AHI1: variants seen among roughly 807,000 people sequenced by gnomAD.
AHI1 encodes the protein jouberin.
A neutral mutation model predicts 149.3 loss-of-function variants in AHI1; 123 were observed. The observed-to-expected ratio is 0.82, with a 90% CI of 0.71 to 0.96. The LOEUF is 0.96. Among genes scored for constraint, AHI1 ranks in the 40% least tolerant of loss-of-function variants. AHI1 has a pLI of 0.00. For synonymous variants in AHI1, 475 were observed against 459.8 expected, an observed-to-expected ratio of 1.03 and a Z score of -0.42; for missense variants, 1,439 against 1,422.7, an observed-to-expected ratio of 1.01 and a Z score of -0.18.
At chr6:135,369,207 G>A (rs1414689036) in intron 23 of AHI1, among the ~76,000 whole-genome samples, 1 of 152,212 alleles carries the variant, frequency 6.6e-6, no homozygotes, top group African/African-American at 2.4e-5. Flanking sequence ...TCCCCAGTGA[G>A]GATGTGTGTT....
Position 135,455,755 on chromosome 6 carries a change from A to G in AHI1, c.1323T>C (p.Pro441=). ...ATACCTCAAAGAACAGGATGACTTTAGGACTCTCATCAGAGCCTCGAAGCA... is the reference window on the plus strand; with the variant it reads ...ATACCTCAAAGAACAGGATGACTTTGGGACTCTCATCAGAGCCTCGAAGCA... ...PYLLRGSDES[P]KVILFFEILD... is the part of the protein sequence containing the mutation. The change falls in exon 10 of 29, where the codon CCT becomes CCC. Residue 441 remains proline (P), a synonymous_variant. Transcript: ENST00000265602. The G allele has an allele frequency of 6.2e-7, 1 of 1,601,826 alleles. No individual in the cohort carries two copies. Among genetic ancestry groups the G allele is most frequent in the South Asian group, 1.1e-5 (1 of 88,642 alleles).
chr6:135,452,965 T>C (rs1402127141), intron 11 of AHI1, among the ~76,000 whole-genome samples: 2 of 152,184 alleles, frequency 1.3e-5, no homozygotes, highest in Admixed American at 1.3e-4. Flanking sequence ...GTGAAATCAA[T>C]TGTTTTATGT....
intron 14 of AHI1, among the ~76,000 whole-genome samples, chr6:135,440,663 G>A (rs1381875526): frequency 1.3e-5 from 2 of 152,120 alleles, no homozygotes; most frequent in Non-Finnish European, 2.9e-5. Context: ...GCAAAGACCA[G>A]TAGACCTATC....
At chr6:135,289,532 A>G (rs1782082393) in intron 28 of AHI1, among the ~76,000 whole-genome samples, 1 of 152,028 alleles carries the variant, frequency 6.6e-6, no homozygotes, top group African/African-American at 2.4e-5. Flanking sequence ...TTACTCTTCC[A>G]TGGGTAAATC....
At position 135,463,232 on chromosome 6, in the gene AHI1, T is replaced by C. The variant is rs778231180; in HGVS notation, c.824A>G (p.Asp275Gly). 11 of 1,610,656 alleles carry C rather than the reference T, an allele frequency of 6.8e-6. No individual in the cohort carries two copies. The Middle Eastern group carries it at 5.0e-4, about 73-fold the overall frequency. The change falls in exon 8 of 29, where the codon GAT becomes GGT. Residue 275 changes from aspartate to glycine, a missense_variant. By Grantham distance (94) the Asp-to-Gly change is moderately conservative. Coordinates refer to ENST00000265602, the MANE Select transcript of AHI1 (RefSeq NM_001134831.2). ...GCTTATTTCATCATCTTGATGAGAATCTGAAGAAACTGATCTAACTGAAGA... is the reference window on the plus strand; with the variant it reads ...GCTTATTTCATCATCTTGATGAGAACCTGAAGAAACTGATCTAACTGAAGA... The part of the protein sequence containing the change: ...KESSVRSVSS[D>G]SHQDDEISSM...
intron 26 of AHI1, among the ~76,000 whole-genome samples, chr6:135,309,320 C>T (rs866627076): frequency 1.3e-5 from 2 of 151,956 alleles, no homozygotes; most frequent in Non-Finnish European, 2.9e-5. Flanking sequence ...TCTCTAGACT[C>T]CAGAATAACA....
rs1793466455 is a variant in AHI1, at chr6:135,359,205, T to G, written c.3110-1018A>C. 2.6e-5 allele frequency among the ~76,000 whole-genome samples: 4 copies of G among 152,316 alleles called. No homozygotes were observed. The South Asian group carries it at 8.3e-4, about 32-fold the overall frequency. On this transcript the variant is annotated intron_variant, in intron 23 of 28. Transcript: ENST00000265602. ...TGAATCATGAAACATGCAGTTTTTG[T>G]TTCATTAATTTTTTGTAACATTTAT...
intron 24 of AHI1, among the ~76,000 whole-genome samples, chr6:135,348,041 G>A (rs1791501866): frequency 6.6e-6 from 1 of 152,130 alleles, no homozygotes; most frequent in African/African-American, 2.4e-5. Flanking sequence ...TTATACCAAG[G>A]GTGTCTGTGT....
chr6:135,463,482 G>A (rs1790256845), intron 7 of AHI1, among the ~76,000 whole-genome samples, 176 bp from the exon 8 acceptor site: 1 of 151,750 alleles, frequency 6.6e-6, no homozygotes, highest in Non-Finnish European at 1.5e-5. Flanking sequence ...TGTCAAATAG[G>A]TATCATAGGT....
intron 13 of AHI1, among the ~76,000 whole-genome samples, chr6:135,445,979 C>T (rs1787141545): frequency 6.6e-6 from 1 of 151,946 alleles, no homozygotes; most frequent in African/African-American, 2.4e-5. Flanking sequence ...TGGCATGAAC[C>T]CGGGAGGTGG....
intron 16 of AHI1, 47 bp downstream of exon 16, chr6:135,432,980 A>C (rs1167126951): frequency 1.4e-6 from 2 of 1,447,924 alleles, no homozygotes. Context: ...TTCTGGTAAA[A>C]AAAAATTCTT....
intron 21 of AHI1, among the ~76,000 whole-genome samples, chr6:135,405,531 C>A (rs1181583628): frequency 6.6e-6 from 1 of 151,956 alleles, no homozygotes; most frequent in Admixed American, 6.6e-5. Flanking sequence ...GTATTATGGA[C>A]AATTTGAAAA....
intron 21 of AHI1, among the ~76,000 whole-genome samples, chr6:135,405,936 G>A (rs1424852404): frequency 4.6e-5 from 7 of 151,314 alleles, no homozygotes; most frequent in African/African-American, 1.7e-4. Flanking sequence ...GTCCAATTAG[G>A]AGTTAGCCAG....
intron 27 of AHI1, among the ~76,000 whole-genome samples, chr6:135,296,147 G>A (rs1783062693): frequency 6.6e-6 from 1 of 152,156 alleles, no homozygotes; most frequent in Non-Finnish European, 1.5e-5. Flanking sequence ...GAGCCACCGC[G>A]CCTGGCCGCA....
chr6:135,363,886 C>T (rs1402194919), intron 23 of AHI1, among the ~76,000 whole-genome samples: 17 of 139,404 alleles, frequency 1.2e-4, no homozygotes, highest in East Asian at 8.8e-4. Context: ...GCTGGCCGGA[C>T]GGGGGGCTGA....
chr6:135,459,063 C>G (rs1018272920), intron 8 of AHI1, among the ~76,000 whole-genome samples: 5 of 152,162 alleles, frequency 3.3e-5, no homozygotes, highest in Non-Finnish European at 5.9e-5. Context: ...ACATAGGACA[C>G]TGCACTCAAC....
chr6:135,352,693 T>C (rs1018465799), intron 24 of AHI1, among the ~76,000 whole-genome samples: 9 of 143,984 alleles, frequency 6.3e-5, no homozygotes, highest in Non-Finnish European at 1.5e-5. Flanking sequence ...CAAAGACACA[T>C]TGTGTGTGTA....
At chr6:135,341,334 CAA>C (rs1422074204) in intron 24 of AHI1, among the ~76,000 whole-genome samples, 3 of 151,812 alleles carry the variant, frequency 2.0e-5, no homozygotes, top group Admixed American at 2.0e-4. Flanking sequence ...GACTTTAAGA[CAA>C]AAACTCACTC....
chr6:135,387,240 G>A (rs866951077), intron 23 of AHI1, among the ~76,000 whole-genome samples: 1 of 152,128 alleles, frequency 6.6e-6, no homozygotes, highest in African/African-American at 2.4e-5. Context: ...ATTATATGAA[G>A]TATCTCAAGA....
Sources: allele counts gnomAD v4.1 joint callset (sites outside exome capture counted in the v4.1 genomes callset), GRCh38; gene constraint gnomAD v4.1.1; transcripts MANE v1.5; gene names NCBI Gene and HGNC (gene_info 2026-07-23, HGNC 2026-07-21).